The following CES2 variants were observed in gnomAD, a reference collection of about 807,000 sequenced individuals.
The protein encoded by CES2 is cocaine esterase.
In CES2, 42 loss-of-function variants were observed where a neutral mutation model predicts 52.1. The observed-to-expected ratio is 0.81, with a 90% CI of 0.63 to 1.04. The LOEUF (loss-of-function observed/expected upper bound fraction) is 1.04. Ranked by LOEUF, CES2 falls within the 50% of genes least tolerant of loss-of-function variation. The pLI is 0.00. For missense variants in CES2, 656 were observed against 724.3 expected (o/e 0.91, Z 1.08); for synonymous variants, 277 against 289.6 (o/e 0.96, Z 0.44).
At chr16:66,941,093 A>G in intron 5 of CES2, 31 bp from the exon 6 acceptor site, 1 of 1,612,858 alleles carries the variant, frequency 6.2e-7, no homozygotes, top group Non-Finnish European at 8.5e-7. Flanking sequence ...ACCTGGAAGG[A>G]TGAGCCAGCC....
In CES2 at chr16:66,939,273, C is replaced by G. The variant is rs779310033; in HGVS notation, c.338C>G (p.Thr113Ser). The G allele has an allele frequency of 8.1e-6, 13 of 1,613,658 alleles. No homozygotes were observed. Among genetic ancestry groups the G allele is most frequent in the Non-Finnish European group, 1.0e-5 (12 of 1,179,720 alleles). The change falls in exon 3 of 12, where the codon ACC becomes AGC. Residue 113 changes from threonine to serine, a missense_variant. Transcript: ENST00000317091. ...GAGTTTCTTAGCCAGTTCAACATGA[C>G]CTTCCCTTCCGACTCCATGTCTGAG... is the stretch of plus-strand genomic sequence containing the variant. ...ESEFLSQFNM[T>S]FPSDSMSEDC... is the part of the protein sequence containing the mutation.
chr16:66,941,382 CAG>C, intron 6 of CES2, 122 bp from the exon 7 acceptor site: 5 of 1,519,072 alleles, frequency 3.3e-6, no homozygotes, highest in Non-Finnish European at 4.5e-6. Context: ...CTGAGCCAAA[CAG>C]TAATCTCCTG....
At position 66,939,363 on chromosome 16, in the gene CES2, G is replaced by C; in HGVS notation, c.423+5G>C. The C allele has an allele frequency of 6.2e-7, 1 of 1,613,982 alleles. No individual in the cohort carries two copies. The highest frequency in any genetic ancestry group is 8.5e-7 in the Non-Finnish European group (1 of 1,179,956). ...CATGAAGGCTCTAACCTGCCGGTGGGTGTCAGGCCACAGTTCACTGGGGGT... is the reference window on the plus strand; with the variant it reads ...CATGAAGGCTCTAACCTGCCGGTGGCTGTCAGGCCACAGTTCACTGGGGGT... On this transcript the variant is annotated splice_donor_5th_base_variant and intron_variant, in intron 3 of 11. Coordinates refer to ENST00000317091, the MANE Select transcript of CES2 (RefSeq NM_001365405.1).
chr16:66,934,524 G>A (rs1567544994), upstream of CES2: 2 of 1,143,202 alleles, frequency 1.7e-6, no homozygotes, highest in Admixed American at 3.0e-5. The surrounding 1 kb of genome is among the most constrained non-coding windows in gnomAD (Gnocchi z 4.1). Context: ...CGGTGACCGC[G>A]GCCCTGGCTG....
At chr16:66,942,277 G>A (rs771060495) in intron 9 of CES2, 28 bp downstream of exon 9, 33 of 1,587,804 alleles carry the variant, frequency 2.1e-5, no homozygotes, top group Admixed American at 3.4e-5. Context: ...AAAGCCTGGC[G>A]GGCAGGGTAC....
At chr16:66,934,549 C>A (rs1053622935), upstream of CES2, 6 of 874,134 alleles carry the variant, frequency 6.9e-6, no homozygotes, top group African/African-American at 3.4e-5. The surrounding 1 kb of genome is among the most constrained non-coding windows in gnomAD (Gnocchi z 4.1). Context: ...GACCCGGGAA[C>A]ATGATGGTCG....
At chr16:66,937,370 C>T (rs1419525314) in intron 1 of CES2, among the ~76,000 whole-genome samples, 1 of 152,264 alleles carries the variant, frequency 6.6e-6, no homozygotes, top group East Asian at 1.9e-4. Context: ...CACACAGTGC[C>T]CAGCAGTTTA....
Position 66,942,709 on chromosome 16 carries a change from C to G in CES2, c.1344C>G (p.Ile448Met). Reference sequence around the variant, plus strand: ...ATCAGCCCAGCTGGCTCAAGAACATCAGGCCACCGCACATGAAGGCAGACC... The same window carrying G: ...ATCAGCCCAGCTGGCTCAAGAACATGAGGCCACCGCACATGAAGGCAGACC... ...FQHQPSWLKN[I>M]RPPHMKADHG... Residue 448 changes from isoleucine to methionine, a missense_variant, in exon 10 of 12, where the codon ATC becomes ATG. By Grantham distance (10) the Ile-to-Met change is conservative. Coordinates refer to ENST00000317091, the MANE Select transcript of CES2 (RefSeq NM_001365405.1). The G allele has an allele frequency of 1.2e-6, 2 of 1,614,246 alleles. No homozygotes were observed. Among genetic ancestry groups the G allele is most frequent in the South Asian group, 1.1e-5 (1 of 91,090 alleles).
chr16:66,943,017 G>A lies in CES2; in HGVS notation c.1420+232G>A, dbSNP rs548817739. 6.6e-6 allele frequency among the ~76,000 whole-genome samples: 1 copy of A among 152,356 alleles called. No individual in the cohort carries two copies. The highest frequency in any genetic ancestry group is 2.1e-4 in the South Asian group (1 of 4,828). On this transcript the variant is annotated intron_variant, in intron 10 of 11. Transcript: ENST00000317091. This position sits in a 1 kb window ranked among gnomAD's most constrained non-coding sequence, Gnocchi z 4.2. ...CCCAGCCATGGGTGTCTGGCCTGGT[G>A]CAGAACAGGTGTTTCAGGGACATGT... is the stretch of plus-strand genomic sequence containing the variant.
At chr16:66,939,852 C>A (rs561156632) in intron 3 of CES2, among the ~76,000 whole-genome samples, 3 of 152,346 alleles carry the variant, frequency 2.0e-5, no homozygotes, top group East Asian at 3.9e-4. Flanking sequence ...CTGGCCTATT[C>A]CACCATGCCT....
intron 1 of CES2, 41 bp from the exon 2 acceptor site, chr16:66,937,995 AT>A: frequency 6.4e-7 from 1 of 1,556,864 alleles, no homozygotes; most frequent in Non-Finnish European, 8.9e-7. Context: ...AGGGCAGTCG[AT>A]TGGTCAAACC....
intron 1 of CES2, 166 bp downstream of exon 1, chr16:66,935,877 T>G: frequency 6.7e-7 from 1 of 1,486,984 alleles, no homozygotes; most frequent in Non-Finnish European, 8.9e-7. Context: ...CCGCCCAAGG[T>G]GGGCTCCTAG....
At chr16:66,941,998 G>A (rs1257770260) in intron 8 of CES2, 107 bp from the exon 9 acceptor site, 1 of 1,516,690 alleles carries the variant, frequency 6.6e-7, no homozygotes, top group Non-Finnish European at 9.0e-7. Context: ...TCACCTCAGA[G>A]CCTCGCCTTT....
chr16:66,939,714 C>CT (rs869310841), intron 3 of CES2, among the ~76,000 whole-genome samples: 1 of 152,238 alleles, frequency 6.6e-6, no homozygotes, highest in Non-Finnish European at 1.5e-5. Flanking sequence ...CACACAAAAA[C>CT]TTTTTTTCTT....
At position 66,941,185 on chromosome 16, in the gene CES2, G is replaced by A. The variant is rs370215290; in HGVS notation, c.878G>A (p.Arg293Gln). The change falls in exon 6 of 12, where the codon CGG (arginine) becomes CAG (glutamine). Residue 293 changes from arginine (R) to glutamine (Q), a missense_variant. Coordinates refer to ENST00000317091, the MANE Select transcript of CES2 (RefSeq NM_001365405.1). ...VDSEALVGCLRGKSKEEILAI... is the reference protein window; with the variant it reads ...VDSEALVGCLQGKSKEEILAI... ...TCTGAGGCCCTGGTGGGCTGCCTGC[G>A]GGGCAAGAGTAAAGAGGAGATTCTT... The A allele has an allele frequency of 3.1e-5, 50 of 1,613,984 alleles. No individual in the cohort carries two copies. The highest frequency in any genetic ancestry group is 3.6e-5 in the Non-Finnish European group (42 of 1,180,016).
At chr16:66,935,442 C>A (rs1336138503), upstream of CES2, 5 of 1,597,906 alleles carry the variant, frequency 3.1e-6, no homozygotes, top group South Asian at 4.5e-5. Flanking sequence ...CCCCACCCAC[C>A]TATGACTGCT....
At chr16:66,939,116 T>G in intron 2 of CES2, 101 bp from the exon 3 acceptor site, 1 of 950,102 alleles carries the variant, frequency 1.1e-6, no homozygotes, top group Non-Finnish European at 1.7e-6. Flanking sequence ...GAGCAGGATA[T>G]TGTGGGAAGG....
In CES2 at chr16:66,940,206, G is replaced by T; in HGVS notation, c.424-16G>T. On this transcript the variant is annotated splice_polypyrimidine_tract_variant and intron_variant, in intron 3 of 11. Coordinates refer to ENST00000317091, the MANE Select transcript of CES2 (RefSeq NM_001365405.1). ...GCTGGGTGGGAGCATCATGGTAGCT[G>T]CCTTGATTTCCCCAGGTGATGGTGT... The T allele has an allele frequency of 6.2e-7, 1 of 1,613,072 alleles. No homozygotes were observed. The highest frequency in any genetic ancestry group is 8.5e-7 in the Non-Finnish European group (1 of 1,179,528).
At chr16:66,941,671 G>A (rs746580595) in intron 7 of CES2, 25 bp downstream of exon 7, 11 of 1,613,168 alleles carry the variant, frequency 6.8e-6, no homozygotes, top group Non-Finnish European at 8.5e-6. Flanking sequence ...AAGCCCACAA[G>A]TGCCTGGGGA....
Sources: gnomAD v4.1 joint callset for allele counts (sites outside exome capture counted in the v4.1 genomes callset) on GRCh38, gnomAD v4.1.1 for gene constraint, Gnocchi (gnomAD v3.1) non-coding constraint, MANE v1.5 for transcripts, NCBI Gene and HGNC (gene_info 2026-07-23, HGNC 2026-07-21) for gene names.